The following STAT4 variants were observed in gnomAD, a reference collection of about 807,000 sequenced individuals.
STAT4 encodes signal transducer and activator of transcription 4.
STAT4 carries 42 observed loss-of-function variants against 110.5 expected under a neutral mutation model. The observed-to-expected ratio is 0.38, with a 90% CI of 0.30 to 0.49. The LOEUF (loss-of-function observed/expected upper bound fraction) is 0.49. Ranked by LOEUF, STAT4 falls within the 20% of genes least tolerant of loss-of-function variation. STAT4 has a pLI of 0.95. For synonymous variants in STAT4, 284 were observed against 302.2 expected, an observed-to-expected ratio of 0.94 and a Z score of 0.63; for missense variants, 632 against 887.9, an observed-to-expected ratio of 0.71 and a Z score of 3.66.
At chr2:191,073,439 C>T (rs1697222385) in intron 4 of STAT4, among the ~76,000 whole-genome samples, 1 of 152,162 alleles carries the variant, frequency 6.6e-6, no homozygotes, top group Non-Finnish European at 1.5e-5. Context: ...ATAATCCTAG[C>T]ACTTTGGGAA....
rs905159439 is a variant in STAT4 at position 191,142,690 on chromosome 2, G to T, written c.273+3923C>A. Among the ~76,000 whole-genome samples, 3 of 152,098 alleles carry T rather than the reference G, an allele frequency of 2.0e-5. No individual in the cohort carries two copies. The highest frequency in any genetic ancestry group is 4.4e-5 in the Non-Finnish European group (3 of 68,018). ...CTGACTTAATCATTACACATTCTAT[G>T]CATGGAATAAAATATTTCATGTACC... On this transcript the variant is annotated intron_variant, in intron 3 of 23. Transcript: ENST00000392320. This position sits in a 1 kb window ranked among gnomAD's most constrained non-coding sequence, Gnocchi z 4.1.
chr2:191,144,769 T>C lies in STAT4; in HGVS notation c.273+1844A>G, dbSNP rs548887276. On this transcript the variant is annotated intron_variant, in intron 3 of 23. Coordinates refer to ENST00000392320, the MANE Select transcript of STAT4 (RefSeq NM_003151.4). The surrounding 1 kb of genome is among the most constrained non-coding windows in gnomAD (Gnocchi z 4.7). ...ACTGAGAAAATCCTGCTATTTTACCTACCAACAATAAGAATCATTTATTGA... is the reference window on the plus strand; with the variant it reads ...ACTGAGAAAATCCTGCTATTTTACCCACCAACAATAAGAATCATTTATTGA... Among the ~76,000 whole-genome samples, 4 of 152,278 alleles carry C rather than the reference T, an allele frequency of 2.6e-5. No homozygotes were observed. Among genetic ancestry groups the C allele is most frequent in the African/African-American group, 9.6e-5 (4 of 41,562 alleles).
In STAT4 at chr2:191,082,925, A is replaced by AT. The variant is rs1311560649; in HGVS notation, c.274-6601dup. Among the ~76,000 whole-genome samples, 1 of 152,168 alleles carries AT rather than the reference A, an allele frequency of 6.6e-6. No homozygotes were observed. Among genetic ancestry groups the AT allele is most frequent in the Non-Finnish European group, 1.5e-5 (1 of 68,040 alleles). ...AACACATTTGGAGGGTTAATACCAC[A>AT]TTTAACAAATTTCTTCTGTATTGTG... On this transcript the variant is annotated intron_variant, in intron 3 of 23. Transcript: ENST00000392320. This position sits in a 1 kb window ranked among gnomAD's most constrained non-coding sequence, Gnocchi z 4.7.
chr2:191,065,484 T>A (rs1040424575), intron 7 of STAT4, among the ~76,000 whole-genome samples: 2 of 152,202 alleles, frequency 1.3e-5, no homozygotes, highest in Non-Finnish European at 2.9e-5. Flanking sequence ...TATATGAACA[T>A]GAACAAAGTA....
At chr2:191,067,271 C>G (rs1293297817) in intron 6 of STAT4, among the ~76,000 whole-genome samples, 1 of 151,964 alleles carries the variant, frequency 6.6e-6, no homozygotes, top group Non-Finnish European at 1.5e-5. Flanking sequence ...AATAATGGAA[C>G]TAAAGCAGCA....
chr2:191,125,778 C>G (rs180739408), intron 3 of STAT4, among the ~76,000 whole-genome samples: 2 of 151,960 alleles, frequency 1.3e-5, no homozygotes, highest in African/African-American at 4.8e-5. Flanking sequence ...GTCACCATGC[C>G]GGGCCTGGAT....
intron 3 of STAT4, among the ~76,000 whole-genome samples, chr2:191,137,806 T>C (rs986318064): frequency 3.3e-5 from 5 of 151,974 alleles, no homozygotes; most frequent in Non-Finnish European, 4.4e-5. Flanking sequence ...GGGATATCCC[T>C]ACACCGAAGA....
intron 18 of STAT4, 115 bp downstream of exon 18, chr2:191,034,433 A>G (rs988192384): frequency 5.6e-6 from 5 of 896,018 alleles, no homozygotes; most frequent in Non-Finnish European, 8.8e-6. Context: ...AAAAAAAAAA[A>G]AAAAAGAAAA....
intron 14 of STAT4, among the ~76,000 whole-genome samples, chr2:191,047,871 GGC>G (rs1696394024): frequency 6.6e-6 from 1 of 152,176 alleles, no homozygotes; most frequent in African/African-American, 2.4e-5. Context: ...TTATCATATT[GGC>G]CAGGCTGGTC....
At position 191,041,102 on chromosome 2, in the gene STAT4, G is replaced by A; in HGVS notation, c.1298C>T (p.Thr433Ile). 6.7e-7 allele frequency: 1 copy of A among 1,496,260 alleles called. No individual in the cohort carries two copies. The highest frequency in any genetic ancestry group is 8.9e-7 in the Non-Finnish European group (1 of 1,118,300). The allele number at this position is 1,496,260 out of a possible 1,614,324, so 92.7% of individuals were successfully genotyped here. A position where few individuals can be genotyped will look rare whatever the true frequency, so the allele number is the denominator to read the frequency against. The change falls in exon 15 of 24, where the codon ACA (threonine) becomes ATA (isoleucine). Residue 433 changes from threonine to isoleucine, a missense_variant. Thr to Ile is a moderately conservative substitution (Grantham distance 89, BLOSUM62 -1). This residue lies in a region of STAT4 where 488 missense variants were observed against 632.8 expected (regional missense o/e 0.77). Transcript: ENST00000392320. ...TEELHSITFE[T>I]QICLYGLTID... ...GGTCAGGCCATAGAGGCAGATCTGT[G>A]TTTCAAACGTTATGGAATGAAGTTC...
In STAT4 at chr2:191,147,198, A is replaced by G. The variant is rs62181492; in HGVS notation, c.129-441T>C. ...AGCAGGGACTCAAACAGATATTTGC[A>G]TACCAATGTTCCTAGCAGGGTTATT... On this transcript the variant is annotated intron_variant, in intron 2 of 23. Transcript: ENST00000392320. This position sits in a 1 kb window ranked among gnomAD's most constrained non-coding sequence, Gnocchi z 4.1. Among the ~76,000 whole-genome samples, 1,530 of 152,336 alleles carry G rather than the reference A, an allele frequency of 0.01. 12 individuals carry two copies. The highest frequency in any genetic ancestry group is 0.023 in the South Asian group (109 of 4,832).
chr2:191,141,477 C>A (rs536412709), intron 3 of STAT4, among the ~76,000 whole-genome samples: 1 of 46,130 alleles, frequency 2.2e-5, no homozygotes, highest in Non-Finnish European at 4.6e-5. Context: ...ATATCACATA[C>A]ATACATATAC....
rs562880326 is a variant in STAT4 at position 191,060,095 on chromosome 2, A to G, written c.1035-1326T>C. Among the ~76,000 whole-genome samples the G allele has an allele frequency of 1.2e-4, 19 of 152,292 alleles. No individual in the cohort carries two copies. The highest frequency in any genetic ancestry group is 2.5e-4 in the Non-Finnish European group (17 of 68,014). On this transcript the variant is annotated intron_variant, in intron 10 of 23. Transcript: ENST00000392320. The surrounding 1 kb of genome is among the most constrained non-coding windows in gnomAD (Gnocchi z 4.5). ...TGCAGAGGAGGAGGATGGGTACCCA[A>G]TAGGTAGAAGAGGAAGACAGAGCCT...
In STAT4 at chr2:191,147,159, C is replaced by A. The variant is rs1337062202; in HGVS notation, c.129-402G>T. The stretch of plus-strand genomic sequence containing the variant: ...AGCAATTCCACATCTGGATATATAC[C>A]CAAAAGAATTAAAAGCAGGGACTCA... On this transcript the variant is annotated intron_variant, in intron 2 of 23. Coordinates refer to ENST00000392320, the MANE Select transcript of STAT4 (RefSeq NM_003151.4). This position sits in a 1 kb window ranked among gnomAD's most constrained non-coding sequence, Gnocchi z 4.1. 1.3e-5 allele frequency among the ~76,000 whole-genome samples: 2 copies of A among 151,872 alleles called. No individual in the cohort carries two copies. Among genetic ancestry groups the A allele is most frequent in the East Asian group, 3.8e-4 (2 of 5,200 alleles).
At position 191,146,881 on chromosome 2, in the gene STAT4, A is replaced by C. The variant is rs568953688; in HGVS notation, c.129-124T>G. The C allele has an allele frequency of 4.6e-5, 43 of 941,520 alleles. No individual in the cohort carries two copies. In the African/African-American group the frequency reaches 6.2e-4, roughly 13 times the overall value. The allele number at this position is 941,520 out of a possible 1,614,324, so 58.3% of individuals were successfully genotyped here. On this transcript the variant is annotated intron_variant, in intron 2 of 23. Coordinates refer to ENST00000392320, the MANE Select transcript of STAT4 (RefSeq NM_003151.4). The surrounding 1 kb of genome is among the most constrained non-coding windows in gnomAD (Gnocchi z 4.5). ...GATAAGCATTTAAAAGTTTTAAAAAATTAAATTGTTAACATGAAGAGATGC... is the reference window on the plus strand; with the variant it reads ...GATAAGCATTTAAAAGTTTTAAAAACTTAAATTGTTAACATGAAGAGATGC...
rs1050884405 is a variant in STAT4, at chr2:191,099,602, C to T, written c.274-23277G>A. On this transcript the variant is annotated intron_variant, in intron 3 of 23. Transcript: ENST00000392320. The surrounding 1 kb of genome is among the most constrained non-coding windows in gnomAD (Gnocchi z 4.1). The stretch of plus-strand genomic sequence containing the variant: ...AAATGACAAAATATTTCATCATTTA[C>T]AAAATTTCATAAACAACACACATGT... Among the ~76,000 whole-genome samples, 16 of 152,122 alleles carry T rather than the reference C, an allele frequency of 1.1e-4. No individual in the cohort carries two copies. The highest frequency in any genetic ancestry group is 2.6e-4 in the Admixed American group (4 of 15,278).
Position 191,150,903 on chromosome 2 carries a change from C to T in STAT4, c.-2+44G>A, listed in dbSNP as rs1699577959. 7.1e-6 allele frequency: 7 copies of T among 984,262 alleles called. 1 individual carries two copies. The South Asian group carries it at 1.9e-4, about 26-fold the overall frequency. The allele number at this position is 984,262 out of a possible 1,614,324, so 61.0% of individuals were successfully genotyped here. A position where few individuals can be genotyped will look rare whatever the true frequency, so the allele number is the denominator to read the frequency against. On this transcript the variant is annotated intron_variant, in intron 1 of 23. Transcript: ENST00000392320. This position sits in a 1 kb window ranked among gnomAD's most constrained non-coding sequence, Gnocchi z 6.4. The stretch of plus-strand genomic sequence containing the variant: ...AGAGTATCCTGCATAATAAGCATGT[C>T]CTCCTTACAAGAGGCAGCCAGAAGG...
At position 191,031,635 on chromosome 2, in the gene STAT4, G is replaced by T; in HGVS notation, c.2045-119C>A. 1 of 755,648 alleles carries T rather than the reference G, an allele frequency of 1.3e-6. No individual in the cohort carries two copies. Among genetic ancestry groups the T allele is most frequent in the Non-Finnish European group, 2.2e-6 (1 of 458,154 alleles). The allele number at this position is 755,648 out of a possible 1,614,324, so 46.8% of individuals were successfully genotyped here. On this transcript the variant is annotated intron_variant, in intron 21 of 23. Coordinates refer to ENST00000392320, the MANE Select transcript of STAT4 (RefSeq NM_003151.4). The surrounding 1 kb of genome is among the most constrained non-coding windows in gnomAD (Gnocchi z 4.8). ...TAAGAGGAAGAGAGATAACGCAGTT[G>T]TTCGGTGATACACAGAAATGTTTTG...
intron 3 of STAT4, among the ~76,000 whole-genome samples, chr2:191,101,265 T>G (rs1302005070): frequency 1.3e-5 from 2 of 152,190 alleles, no homozygotes; most frequent in Non-Finnish European, 2.9e-5. Context: ...TTAACATTTT[T>G]ATATGGACCC....
Sources: allele counts gnomAD v4.1 joint callset (sites outside exome capture counted in the v4.1 genomes callset), GRCh38; gene constraint gnomAD v4.1.1; regional missense constraint gnomAD v4.1.1; non-coding constraint Gnocchi (gnomAD v3.1); transcripts MANE v1.5; gene names NCBI Gene and HGNC (gene_info 2026-07-23, HGNC 2026-07-21).